ELMOD1: variants seen among roughly 807,000 people sequenced by gnomAD.
ELMOD1 encodes the protein ELMO domain containing 1.
ELMOD1 carries 21 observed loss-of-function variants against 46.7 expected under a neutral mutation model. The observed-to-expected ratio is 0.45, with a 90% CI of 0.32 to 0.65. ELMOD1 has a LOEUF of 0.65. ELMOD1 is among the 30% of genes least tolerant of loss of function. The probability of loss-of-function intolerance (pLI) is 0.04; values close to 1 mark genes in which losing one functional copy is unlikely to be tolerated. For synonymous variants in ELMOD1, 122 were observed against 138.2 expected, an observed-to-expected ratio of 0.88 and a Z score of 0.82; for missense variants, 348 against 407.8, an observed-to-expected ratio of 0.85 and a Z score of 1.26.
Position 107,618,182 on chromosome 11 carries a change from C to T in ELMOD1, c.-8C>T, listed in dbSNP as rs369365456. 1.3e-4 allele frequency: 211 copies of T among 1,566,688 alleles called. No individual in the cohort carries two copies. Among genetic ancestry groups the T allele is most frequent in the Non-Finnish European group, 1.6e-4 (187 of 1,154,764 alleles). Reference sequence around the variant, plus strand: ...TCATATAGCATCTGGACAGTCAACACGGGCACCATGAAGCACTTCCTGAGG... The same window carrying T: ...TCATATAGCATCTGGACAGTCAACATGGGCACCATGAAGCACTTCCTGAGG... On this transcript the variant is annotated 5_prime_UTR_variant, in exon 2 of 12. The change creates a new upstream start codon in the 5' untranslated region. Coordinates refer to ENST00000265840, the MANE Select transcript of ELMOD1 (RefSeq NM_018712.4).
chr11:107,665,308 C>A lies in ELMOD1; in HGVS notation c.*111C>A. On this transcript the variant is annotated 3_prime_UTR_variant, in exon 12 of 12. Transcript: ENST00000265840. The stretch of plus-strand genomic sequence containing the variant: ...AATGCACACAGTGATTGTATGCATG[C>A]CTTTTGGTACAGTGTTTTCATCTCT... 2 of 1,074,926 alleles carry A rather than the reference C, an allele frequency of 1.9e-6. No individual in the cohort carries two copies. The highest frequency in any genetic ancestry group is 1.6e-5 in the African/African-American group (1 of 63,558). 66.6% of individuals were successfully genotyped at this position (1,074,926 alleles called of 1,614,324 possible).
chr11:107,597,528 T>C (rs1469997901), intron 1 of ELMOD1, among the ~76,000 whole-genome samples: 2 of 152,150 alleles, frequency 1.3e-5, no homozygotes, highest in African/African-American at 4.8e-5. Flanking sequence ...GAGAGAATGC[T>C]TTTATTGGGT....
At chr11:107,622,697 A>G (rs984516457) in intron 2 of ELMOD1, among the ~76,000 whole-genome samples, 1 of 152,226 alleles carries the variant, frequency 6.6e-6, no homozygotes, top group Non-Finnish European at 1.5e-5. Context: ...ATTGCTTTTG[A>G]AGAGCAGAAG....
At position 107,649,585 on chromosome 11, in the gene ELMOD1, G is replaced by C. The variant is rs188887625; in HGVS notation, c.555-750G>C. Among the ~76,000 whole-genome samples the C allele has an allele frequency of 2.8e-3, 419 of 152,242 alleles. 4 individuals are homozygous for C. Among genetic ancestry groups the C allele is most frequent in the African/African-American group, 9.7e-3 (401 of 41,552 alleles). On this transcript the variant is annotated intron_variant, in intron 7 of 11. Transcript: ENST00000265840. ...CAGATAACTGACAAAAGTATGAAAA[G>C]AAACTCAGTCTCACTAACAACTGTG...
intron 1 of ELMOD1, among the ~76,000 whole-genome samples, chr11:107,610,996 T>TA (rs1865767998): frequency 4.3e-5 from 1 of 23,500 alleles, no homozygotes; most frequent in Admixed American, 5.1e-4. Flanking sequence ...ACTGTAAGAA[T>TA]CCAAAAAAAA....
At chr11:107,634,833 A>G (rs1866200344) in intron 5 of ELMOD1, among the ~76,000 whole-genome samples, 2 of 152,234 alleles carry the variant, frequency 1.3e-5, no homozygotes, top group Admixed American at 6.5e-5. Context: ...TTCCCTAGAG[A>G]TTAGAAGACT....
intron 5 of ELMOD1, among the ~76,000 whole-genome samples, chr11:107,634,648 G>A (rs1866196957): frequency 6.6e-6 from 1 of 152,146 alleles, no homozygotes; most frequent in Admixed American, 6.6e-5. Flanking sequence ...GGCTAGGGCA[G>A]GAGAATCACT....
chr11:107,618,224 C>T lies in ELMOD1; in HGVS notation c.17+18C>T, dbSNP rs752965957. The T allele has an allele frequency of 1.2e-5, 18 of 1,558,040 alleles. No individual in the cohort carries two copies. Among genetic ancestry groups the T allele is most frequent in the Non-Finnish European group, 1.6e-5 (18 of 1,150,252 alleles). ...TTCCTGAGGTATGTGTTTACGGTTC[C>T]CTGGCTGAGCCCTCTGCAGTGGGAG... is the stretch of plus-strand genomic sequence containing the variant. On this transcript the variant is annotated intron_variant, in intron 2 of 11. Transcript: ENST00000265840.
chr11:107,629,844 C>T (rs1866105841), intron 2 of ELMOD1, among the ~76,000 whole-genome samples: 1 of 152,052 alleles, frequency 6.6e-6, no homozygotes, highest in African/African-American at 2.4e-5. Context: ...GATAGGTCAG[C>T]AGAAAAGGCA....
In ELMOD1 at chr11:107,599,824, C is replaced by T. The variant is rs1591098329; in HGVS notation, c.-86+8415C>T. The stretch of plus-strand genomic sequence containing the variant: ...TGGGGACTCTCCAGACTAGAGGATT[C>T]AAAAAGACCCTAAGAGAACTAAGTC... On this transcript the variant is annotated intron_variant, in intron 1 of 11. Transcript: ENST00000265840. Among the ~76,000 whole-genome samples, 5 of 148,558 alleles carry T rather than the reference C, an allele frequency of 3.4e-5. No homozygotes were observed. The South Asian group carries it at 1.1e-3, about 31-fold the overall frequency.
intron 6 of ELMOD1, among the ~76,000 whole-genome samples, chr11:107,640,396 C>A (rs1489049778): frequency 6.6e-6 from 1 of 152,156 alleles, no homozygotes; most frequent in Non-Finnish European, 1.5e-5. Flanking sequence ...AGTCAACATT[C>A]ATTTCACTGT....
intron 2 of ELMOD1, among the ~76,000 whole-genome samples, chr11:107,619,517 A>T (rs1178316606): frequency 6.6e-6 from 1 of 152,228 alleles, no homozygotes; most frequent in Non-Finnish European, 1.5e-5. Context: ...GATGAAGCTT[A>T]GAATTTAGGA....
intron 1 of ELMOD1, among the ~76,000 whole-genome samples, chr11:107,613,644 TA>T (rs1865815999): frequency 2.0e-5 from 3 of 152,188 alleles, no homozygotes; most frequent in Admixed American, 2.0e-4. Flanking sequence ...CATTATGAAA[TA>T]AAATTTTTTT....
At chr11:107,613,519 G>A (rs573202777) in intron 1 of ELMOD1, among the ~76,000 whole-genome samples, 10 of 152,200 alleles carry the variant, frequency 6.6e-5, no homozygotes, top group South Asian at 2.1e-4. Context: ...ACTATGCTGC[G>A]TTACTCAGCA....
intron 1 of ELMOD1, among the ~76,000 whole-genome samples, chr11:107,601,257 C>T (rs1939900): frequency 0.12 from 18,289 of 151,790 alleles, 1,346 homozygotes; most frequent in African/African-American, 0.21. Flanking sequence ...TTTCTCCTTT[C>T]TCAATTCTCC....
intron 6 of ELMOD1, among the ~76,000 whole-genome samples, chr11:107,637,761 A>G (rs1170564582): frequency 2.6e-5 from 4 of 152,092 alleles, no homozygotes. Flanking sequence ...GTATCTTTGA[A>G]ATGTTTTCCA....
rs566639653 is a variant in ELMOD1 at position 107,651,813 on chromosome 11, C to T, written c.647+905C>T. Among the ~76,000 whole-genome samples the T allele has an allele frequency of 2.6e-5, 4 of 152,270 alleles. No homozygotes were observed. In the South Asian group the frequency reaches 8.3e-4, roughly 32 times the overall value. On this transcript the variant is annotated intron_variant, in intron 9 of 11. Transcript: ENST00000265840. ...ACATCAGTCAGAAGACACGAGTCCT[C>T]CGCAGTCCTTGGAAAGTGACAATAA...
rs779137241 is a variant in ELMOD1, at chr11:107,665,215, A to C, written c.*18A>C. The stretch of plus-strand genomic sequence containing the variant: ...ACATGTAGTTGCCCACGCCGGTTTT[A>C]ATGGATACCCTGGAACACTGCCTCA... On this transcript the variant is annotated 3_prime_UTR_variant, in exon 12 of 12. Coordinates refer to ENST00000265840, the MANE Select transcript of ELMOD1 (RefSeq NM_018712.4). The C allele has an allele frequency of 3.1e-6, 5 of 1,612,408 alleles. No homozygotes were observed. The Admixed American group carries it at 8.3e-5, about 27-fold the overall frequency.
chr11:107,617,076 A>G (rs1565374552), intron 1 of ELMOD1, among the ~76,000 whole-genome samples: 1 of 152,196 alleles, frequency 6.6e-6, no homozygotes, highest in Non-Finnish European at 1.5e-5. Context: ...AAAACACACA[A>G]AGTTGAGAAG....
Sources: gnomAD v4.1 joint callset for allele counts (sites outside exome capture counted in the v4.1 genomes callset) on GRCh38, gnomAD v4.1.1 for gene constraint, MANE v1.5 for transcripts, NCBI Gene and HGNC (gene_info 2026-07-23, HGNC 2026-07-21) for gene names.